The following EEA1 variants were observed in gnomAD, a reference collection of about 807,000 sequenced individuals.
EEA1 encodes early endosome antigen 1.
A neutral mutation model predicts 209.2 loss-of-function variants in EEA1; 111 were observed. The observed-to-expected ratio is 0.53, with a 90% confidence interval of 0.45 to 0.62. The LOEUF is 0.62. EEA1 is among the 20% of genes least tolerant of loss of function. EEA1 has a pLI of 0.00. For synonymous variants in EEA1, 536 were observed against 540.6 expected, an observed-to-expected ratio of 0.99 and a Z score of 0.12; for missense variants, 1,343 against 1,530.8, an observed-to-expected ratio of 0.88 and a Z score of 2.05.
At chr12:92,843,665 A>G (rs1877269430) in intron 9 of EEA1, among the ~76,000 whole-genome samples, 1 of 152,140 alleles carries the variant, frequency 6.6e-6, no homozygotes. Context: ...ACTTTCTATT[A>G]TATTAATATT....
chr12:92,883,056 T>C (rs918144934), intron 2 of EEA1, among the ~76,000 whole-genome samples: 2 of 152,202 alleles, frequency 1.3e-5, no homozygotes, highest in African/African-American at 2.4e-5. Context: ...CATTCTCTTT[T>C]CTCTGCAGCC....
chr12:92,845,729 T>A (rs562443129), intron 9 of EEA1, among the ~76,000 whole-genome samples: 22 of 152,326 alleles, frequency 1.4e-4, no homozygotes, highest in Admixed American at 1.2e-3. Flanking sequence ...CATGATTCAG[T>A]GTACTTGTAC....
intron 13 of EEA1, among the ~76,000 whole-genome samples, chr12:92,821,997 T>TAC (rs1483526530): frequency 6.6e-6 from 1 of 150,628 alleles, no homozygotes; most frequent in East Asian, 1.9e-4. Flanking sequence ...TATATATATA[T>TAC]ACATATAACT....
intron 13 of EEA1, among the ~76,000 whole-genome samples, chr12:92,825,724 C>CT (rs1876265670): frequency 6.6e-6 from 1 of 151,542 alleles, no homozygotes; most frequent in Non-Finnish European, 1.5e-5. Flanking sequence ...CTTTACTGGG[C>CT]TAATGATGCC....
intron 9 of EEA1, among the ~76,000 whole-genome samples, chr12:92,849,791 T>G (rs149584248): frequency 6.6e-6 from 1 of 152,184 alleles, no homozygotes; most frequent in African/African-American, 2.4e-5. Context: ...GTGAATAGAG[T>G]GGCTTTTAGA....
chr12:92,884,355 GA>G, intron 2 of EEA1: 1 of 1,249,360 alleles, frequency 8.0e-7, no homozygotes, highest in Non-Finnish European at 1.2e-6. Context: ...CAAAGAGGCT[GA>G]AGTGGTTCTA....
chr12:92,861,659 T>C (rs1878159121), intron 3 of EEA1, among the ~76,000 whole-genome samples: 2 of 152,184 alleles, frequency 1.3e-5, no homozygotes, highest in South Asian at 4.1e-4. Flanking sequence ...AAAGATAAGA[T>C]AGCTCTATCT....
At chr12:92,840,102 CT>C (rs1877101575) in intron 10 of EEA1, among the ~76,000 whole-genome samples, 1 of 152,134 alleles carries the variant, frequency 6.6e-6, no homozygotes, top group Non-Finnish European at 1.5e-5. Context: ...TTATATTTCT[CT>C]TTATTCCCTT....
chr12:92,822,232 A>T (rs1345289769), intron 13 of EEA1, among the ~76,000 whole-genome samples: 2 of 152,178 alleles, frequency 1.3e-5, no homozygotes, highest in African/African-American at 4.8e-5. Context: ...TAGACTACAG[A>T]CATGTCCAGG....
At chr12:92,921,260 A>C (rs1880979359) in intron 1 of EEA1, among the ~76,000 whole-genome samples, 1 of 138,318 alleles carries the variant, frequency 7.2e-6, no homozygotes, top group South Asian at 2.5e-4. Context: ...TATATACCCA[A>C]ATGACTATAA....
chr12:92,842,242 T>C (rs1191908475), intron 10 of EEA1, among the ~76,000 whole-genome samples: 1 of 151,834 alleles, frequency 6.6e-6, no homozygotes, highest in Non-Finnish European at 1.5e-5. Context: ...TTCCAGGAGC[T>C]AGAGAGAAGG....
chr12:92,840,542 C>G (rs1877122726), intron 10 of EEA1, among the ~76,000 whole-genome samples: 1 of 152,206 alleles, frequency 6.6e-6, no homozygotes. Flanking sequence ...AAACTCCTGA[C>G]CTCAGGTGAT....
chr12:92,798,511 G>A (rs552384789), intron 21 of EEA1, among the ~76,000 whole-genome samples: 236 of 151,988 alleles, frequency 1.6e-3, no homozygotes, highest in African/African-American at 5.4e-3. Flanking sequence ...TAGTAGAGAC[G>A]GGGTTTCACC....
chr12:92,823,901 T>C (rs1404896510), intron 13 of EEA1, among the ~76,000 whole-genome samples: 2 of 152,352 alleles, frequency 1.3e-5, no homozygotes, highest in African/African-American at 4.8e-5. Context: ...TGCTGACTTA[T>C]ACCAAATTCT....
chr12:92,793,019 C>A (rs1874482381), intron 21 of EEA1, among the ~76,000 whole-genome samples: 1 of 152,090 alleles, frequency 6.6e-6, no homozygotes, highest in Admixed American at 6.5e-5. Context: ...TAAACAGAAC[C>A]AACGACAAAA....
intron 10 of EEA1, among the ~76,000 whole-genome samples, chr12:92,834,126 T>C (rs1407707102): frequency 6.6e-6 from 1 of 151,912 alleles, no homozygotes; most frequent in African/African-American, 2.4e-5. Context: ...ATTGCTGCGT[T>C]CCCCAACATG....
chr12:92,860,527 G>A (rs770172812), intron 3 of EEA1, among the ~76,000 whole-genome samples: 4 of 152,212 alleles, frequency 2.6e-5, no homozygotes, highest in Non-Finnish European at 5.9e-5. Flanking sequence ...ACCTCAAATG[G>A]CAGCTTTAAA....
At position 92,830,831 on chromosome 12, in the gene EEA1, T is replaced by C. The variant is rs544686568; in HGVS notation, c.1254+1681A>G. Among the ~76,000 whole-genome samples, 319 of 152,276 alleles carry C rather than the reference T, an allele frequency of 2.1e-3. 1 individual carries two copies. Among genetic ancestry groups the C allele is most frequent in the African/African-American group, 7.5e-3 (310 of 41,546 alleles). On this transcript the variant is annotated intron_variant, in intron 11 of 28. Transcript: ENST00000322349. ...AAGCATGGTTGGAACATGGTAAGAT[T>C]TGCCTTTAATATAGATTACTCTGAT... is the stretch of plus-strand genomic sequence containing the variant.
At chr12:92,911,853 A>C (rs1880594659) in intron 1 of EEA1, among the ~76,000 whole-genome samples, 1 of 152,224 alleles carries the variant, frequency 6.6e-6, no homozygotes, top group Non-Finnish European at 1.5e-5. Flanking sequence ...GAAAGAGAAA[A>C]TCAAAAGAAA....
Sources: gnomAD v4.1 joint callset for allele counts (sites outside exome capture counted in the v4.1 genomes callset) on GRCh38, gnomAD v4.1.1 for gene constraint, MANE v1.5 for transcripts, NCBI Gene and HGNC (gene_info 2026-07-23, HGNC 2026-07-21) for gene names.